ABCA1: variants seen among roughly 807,000 people sequenced by gnomAD.
ABCA1 encodes the protein ATP binding cassette subfamily A member 1, also known as phospholipid-transporting ATPase ABCA1.
In ABCA1, 133 loss-of-function variants were observed where a neutral mutation model predicts 262.5. The ratio of observed to expected loss-of-function variants is 0.51; its 90% CI spans 0.44 to 0.59. ABCA1 has a LOEUF of 0.59. Ranked by LOEUF, ABCA1 falls within the 20% of genes least tolerant of loss-of-function variation. The pLI is 0.00. For synonymous variants in ABCA1, 1,022 were observed against 1,043.5 expected (o/e 0.98, Z 0.40); for missense variants, 2,452 against 2,777.5 (o/e 0.88, Z 2.63).
intron 1 of ABCA1, among the ~76,000 whole-genome samples, chr9:104,927,130 A>C (rs1408039657): frequency 1.3e-5 from 2 of 151,894 alleles, no homozygotes; most frequent in East Asian, 3.9e-4. Context: ...GAATCGCTTG[A>C]ACCCGGGAGG....
chr9:104,820,999 C>T (rs1046738261), intron 20 of ABCA1, among the ~76,000 whole-genome samples: 1 of 152,344 alleles, frequency 6.6e-6, no homozygotes, highest in East Asian at 1.9e-4. Context: ...GTTCCCAGCA[C>T]TTTGGGAGAC....
chr9:104,816,434 C>T lies in ABCA1; in HGVS notation c.3536-89G>A, dbSNP rs1047947678. The T allele has an allele frequency of 5.6e-6, 7 of 1,245,590 alleles. No homozygotes were observed. In the African/African-American group the frequency reaches 1.0e-4, roughly 18 times the overall value. The allele number at this position is 1,245,590 out of a possible 1,614,324, so 77.2% of individuals were successfully genotyped here. A position where few individuals can be genotyped will look rare whatever the true frequency, so the allele number is the denominator to read the frequency against. ...CCATCCCCCACCCTCTCATCAGAGGCCTGCCGCTCATACACCACACCTGTT... is the reference window on the plus strand; with the variant it reads ...CCATCCCCCACCCTCTCATCAGAGGTCTGCCGCTCATACACCACACCTGTT... On this transcript the variant is annotated intron_variant, in intron 24 of 49. Coordinates refer to ENST00000374736, the MANE Select transcript of ABCA1 (RefSeq NM_005502.4).
chr9:104,917,521 G>A (rs1049597714), intron 1 of ABCA1, among the ~76,000 whole-genome samples: 2 of 152,176 alleles, frequency 1.3e-5, no homozygotes, highest in Non-Finnish European at 2.9e-5. Context: ...TTGGGAGGCC[G>A]AGGTGGGTGG....
At position 104,893,744 on chromosome 9, in the gene ABCA1, T is replaced by C. The variant is rs146785573; in HGVS notation, c.67-4549A>G. ...ATCACAGAGATAGTCAGTAGCGGGGTTGAGATGAGCAGCCAATTCTACCCA... is the reference window on the plus strand; with the variant it reads ...ATCACAGAGATAGTCAGTAGCGGGGCTGAGATGAGCAGCCAATTCTACCCA... On this transcript the variant is annotated intron_variant, in intron 2 of 49. Transcript: ENST00000374736. Among the ~76,000 whole-genome samples the C allele has an allele frequency of 3.6e-3, 545 of 152,002 alleles. 2 individuals carry two copies. Among genetic ancestry groups the C allele is most frequent in the African/African-American group, 0.013 (526 of 41,456 alleles).
chr9:104,802,000 A>G, intron 34 of ABCA1, 54 bp downstream of exon 34: 4 of 1,526,722 alleles, frequency 2.6e-6, no homozygotes, highest in Non-Finnish European at 3.6e-6. Flanking sequence ...CTACTCCTAT[A>G]TCCCAGCAGC....
chr9:104,919,594 A>C (rs538364679), intron 1 of ABCA1, among the ~76,000 whole-genome samples: 1 of 151,132 alleles, frequency 6.6e-6, no homozygotes, highest in East Asian at 1.9e-4. Context: ...CCTGGGCAAC[A>C]TAACGAGACT....
At chr9:104,896,579 G>A (rs1233960745) in intron 2 of ABCA1, among the ~76,000 whole-genome samples, 1 of 151,930 alleles carries the variant, frequency 6.6e-6, no homozygotes, top group Non-Finnish European at 1.5e-5. Context: ...AAGGTAAGTG[G>A]GGGACAATGA....
chr9:104,850,001 T>G (rs993571195), intron 7 of ABCA1, among the ~76,000 whole-genome samples: 1 of 152,226 alleles, frequency 6.6e-6, no homozygotes, highest in Non-Finnish European at 1.5e-5. Context: ...AAGAGTTATC[T>G]CTGAAGAATG....
chr9:104,826,019 T>G, intron 16 of ABCA1, 132 bp from the exon 17 acceptor site: 1 of 899,018 alleles, frequency 1.1e-6, no homozygotes, highest in Non-Finnish European at 1.8e-6. Context: ...GAAGTAGTAT[T>G]TACCTATAGA....
At chr9:104,857,027 A>G (rs780441233) in intron 7 of ABCA1, among the ~76,000 whole-genome samples, 1 of 152,156 alleles carries the variant, frequency 6.6e-6, no homozygotes, top group Non-Finnish European at 1.5e-5. Context: ...ACATGGGACC[A>G]GGCACGGTGA....
rs772803747 is a variant in ABCA1 at position 104,796,167 on chromosome 9, G to T, written c.5268C>A (p.Ala1756=). The part of the protein sequence containing the change: ...GWSITPLMYP[A]SFVFKIPSTA... Reference sequence around the variant, plus strand: ...TGCTGGGGATCTTGAACACAAAGGAGGCTGGGTACATGAGAGGTGTGATTG... The same window carrying T: ...TGCTGGGGATCTTGAACACAAAGGATGCTGGGTACATGAGAGGTGTGATTG... Residue 1756 remains alanine (A), a synonymous_variant, in exon 39 of 50, where the codon GCC becomes GCA. Coordinates refer to ENST00000374736, the MANE Select transcript of ABCA1 (RefSeq NM_005502.4). The T allele has an allele frequency of 6.2e-7, 1 of 1,614,140 alleles. No homozygotes were observed. Among genetic ancestry groups the T allele is most frequent in the Non-Finnish European group, 8.5e-7 (1 of 1,180,030 alleles).
rs747719459 is a variant in ABCA1, at chr9:104,818,837, G to T, written c.3288C>A (p.Val1096=). The change falls in exon 23 of 50, where the codon GTC becomes GTA. Residue 1096 remains valine, a synonymous_variant. Transcript: ENST00000374736. The part of the protein sequence containing the change: ...LSTHHMDEAD[V]LGDRIAIISH... ...AGATGATGGCAATCCTGTCCCCCAGGACGTCCGCTTCATCCATGTGGTGTG... is the reference window on the plus strand; with the variant it reads ...AGATGATGGCAATCCTGTCCCCCAGTACGTCCGCTTCATCCATGTGGTGTG... 6.2e-6 allele frequency: 10 copies of T among 1,614,010 alleles called. No individual in the cohort carries two copies. The highest frequency in any genetic ancestry group is 8.5e-6 in the Non-Finnish European group (10 of 1,180,042).
chr9:104,848,499 C>T (rs1419238948), intron 7 of ABCA1, among the ~76,000 whole-genome samples: 1 of 151,960 alleles, frequency 6.6e-6, no homozygotes, highest in Non-Finnish European at 1.5e-5. Flanking sequence ...CTTGTAATCC[C>T]AGCTACTAGA....
At chr9:104,908,001 T>C (rs1841274773) in intron 1 of ABCA1, among the ~76,000 whole-genome samples, 1 of 152,246 alleles carries the variant, frequency 6.6e-6, no homozygotes, top group Non-Finnish European at 1.5e-5. Context: ...ACTGATATTT[T>C]GAAGTTATTA....
chr9:104,831,492 A>G, intron 13 of ABCA1, 130 bp downstream of exon 13: 1 of 763,146 alleles, frequency 1.3e-6, no homozygotes, highest in Non-Finnish European at 2.1e-6. Flanking sequence ...TCATGACACC[A>G]AGTTGAGTTT....
intron 37 of ABCA1, among the ~76,000 whole-genome samples, chr9:104,797,614 C>T (rs73519818): frequency 0.049 from 7,527 of 152,240 alleles, 578 homozygotes; most frequent in African/African-American, 0.17. Context: ...CAAGGACAAC[C>T]GGATCAGAAG....
chr9:104,882,343 C>T, intron 5 of ABCA1, among the ~76,000 whole-genome samples: 1 of 152,222 alleles, frequency 6.6e-6, no homozygotes, highest in African/African-American at 2.4e-5. Flanking sequence ...ACAGACCATG[C>T]ACATGCCATT....
intron 7 of ABCA1, among the ~76,000 whole-genome samples, chr9:104,853,980 A>C (rs1835611120): frequency 3.3e-5 from 5 of 152,194 alleles, no homozygotes; most frequent in Admixed American, 3.3e-4. Flanking sequence ...ATGAACCTCA[A>C]AATAAGGAGA....
At position 104,798,579 on chromosome 9, in the gene ABCA1, C is replaced by G. The variant is rs1830086902; in HGVS notation, c.4963G>C (p.Val1655Leu). The G allele has an allele frequency of 1.9e-6, 3 of 1,614,142 alleles. No homozygotes were observed. Among genetic ancestry groups the G allele is most frequent in the Non-Finnish European group, 2.5e-6 (3 of 1,180,004 alleles). Residue 1655 changes from valine (V) to leucine (L), a missense_variant, in exon 37 of 50, where the codon GTC (valine) becomes CTC (leucine). Transcript: ENST00000374736. ...AAGATGACACAGATGGACACAAGGA[C>G]ATCCACTGATGTGGTCATCCTGGAG... ...EVALMTTSVDVLVSICVIFAM... is the reference protein window; with the variant it reads ...EVALMTTSVDLLVSICVIFAM...
Sources: gnomAD v4.1 joint callset for allele counts (sites outside exome capture counted in the v4.1 genomes callset) on GRCh38, gnomAD v4.1.1 for gene constraint, MANE v1.5 for transcripts, NCBI Gene and HGNC (gene_info 2026-07-23, HGNC 2026-07-21) for gene names.